Variants in CCDC40 observed in about 807,000 individuals in gnomAD.
The protein encoded by CCDC40 is coiled-coil domain-containing protein 40.
In CCDC40, 104 loss-of-function variants were observed where a neutral mutation model predicts 124.5. The observed-to-expected ratio is 0.84, with a 90% confidence interval of 0.71 to 0.98. The LOEUF is 0.98. Ranked by LOEUF, CCDC40 falls within the 50% of genes least tolerant of loss-of-function variation. The pLI is 0.00. For missense variants in CCDC40, 1,463 were observed against 1,503.9 expected, an observed-to-expected ratio of 0.97 and a Z score of 0.45; for synonymous variants, 580 against 602.9, an observed-to-expected ratio of 0.96 and a Z score of 0.56.
At chr17:80,081,048 C>G (rs1438515299) in intron 10 of CCDC40, among the ~76,000 whole-genome samples, 1 of 152,118 alleles carries the variant, frequency 6.6e-6, no homozygotes, top group South Asian at 2.1e-4. Flanking sequence ...ATGTGCCAAT[C>G]TATCCATAAA....
intron 17 of CCDC40, 68 bp from the exon 18 acceptor site, chr17:80,095,195 C>T: frequency 6.7e-7 from 1 of 1,497,016 alleles, no homozygotes; most frequent in African/African-American, 1.4e-5. Context: ...GGCCAGCGCC[C>T]CGGCCACTCT....
At position 80,084,909 on chromosome 17, in the gene CCDC40, G is replaced by A. The variant is rs572440259; in HGVS notation, c.2156G>A (p.Arg719His). The stretch of plus-strand genomic sequence containing the variant: ...AACAGCCAGAGCGAGATCTCCCGGC[G>A]CACGATCCTGATCGAGAGGAAGCAA... ...ITNSQSEISR[R>H]TILIERKQGL... The change falls in exon 13 of 20, where the codon CGC (arginine) becomes CAC (histidine). Residue 719 changes from arginine (R) to histidine (H), a missense_variant. Coordinates refer to ENST00000397545, the MANE Select transcript of CCDC40 (RefSeq NM_017950.4). The A allele has an allele frequency of 4.0e-5, 65 of 1,614,050 alleles. No individual in the cohort carries two copies. The Admixed American group carries it at 5.2e-4, about 13-fold the overall frequency.
At chr17:80,060,106 C>A (rs1365002586) in intron 9 of CCDC40, among the ~76,000 whole-genome samples, 1 of 152,124 alleles carries the variant, frequency 6.6e-6, no homozygotes, top group Non-Finnish European at 1.5e-5. Flanking sequence ...AGAGAAGATT[C>A]AAACGGGGCA....
rs199948075 is a variant in CCDC40, at chr17:80,058,497, C to T, written c.1163C>T (p.Ala388Val). 82 of 1,613,772 alleles carry T rather than the reference C, an allele frequency of 5.1e-5. No individual in the cohort carries two copies. The highest frequency in any genetic ancestry group is 8.8e-5 in the South Asian group (8 of 91,082). Residue 388 changes from alanine (A) to valine (V), a missense_variant, in exon 8 of 20, where the codon GCG becomes GTG. Transcript: ENST00000397545. This position sits in a 1 kb window ranked among gnomAD's most constrained non-coding sequence, Gnocchi z 4.2. Reference protein sequence around the residue: ...AAANEERKKLAALQTEMENLA... With the variant: ...AAANEERKKLVALQTEMENLA... ...TCTCCCCCGCCGCGCCCCGCAGTGG[C>T]GGCTCTGCAGACTGAGATGGAGAAC...
chr17:80,050,387 C>T, intron 7 of CCDC40, 104 bp downstream of exon 7: 1 of 898,248 alleles, frequency 1.1e-6, no homozygotes, highest in Non-Finnish European at 1.8e-6. Flanking sequence ...GATGTGTGTG[C>T]ATCCTGGAGG....
At chr17:80,075,989 T>C (rs775407075) in intron 10 of CCDC40, among the ~76,000 whole-genome samples, 19 of 152,198 alleles carry the variant, frequency 1.2e-4, no homozygotes, top group Admixed American at 2.6e-4. Flanking sequence ...GATCAAACTT[T>C]AATGGATGAG....
At chr17:80,072,183 C>G (rs1013495739) in intron 10 of CCDC40, among the ~76,000 whole-genome samples, 1 of 152,060 alleles carries the variant, frequency 6.6e-6, no homozygotes, top group African/African-American at 2.4e-5. Context: ...ATGGGTTTGC[C>G]GGGCTGCATC....
At chr17:80,099,486 T>C (rs1469321702) in intron 19 of CCDC40, 41 bp from the exon 20 acceptor site, 1 of 1,599,514 alleles carries the variant, frequency 6.3e-7, no homozygotes, top group African/African-American at 1.3e-5. Flanking sequence ...GTCTTTCTTC[T>C]GGTTTGCATA....
In CCDC40 at chr17:80,050,139, G is replaced by A; in HGVS notation, c.1015G>A (p.Val339Ile). 1 of 1,613,620 alleles carries A rather than the reference G, an allele frequency of 6.2e-7. No individual in the cohort carries two copies. ...TCTCTATGAGGTGCAGCAGCACCTG[G>A]TACACCTGCAGAAGCTGCTGGAGAA... is the stretch of plus-strand genomic sequence containing the variant. ...VNLYEVQQHL[V>I]HLQKLLEKSH... The change falls in exon 7 of 20, where the codon GTA (valine) becomes ATA (isoleucine). Residue 339 changes from valine (V) to isoleucine (I), a missense_variant. Coordinates refer to ENST00000397545, the MANE Select transcript of CCDC40 (RefSeq NM_017950.4).
rs974068067 is a variant in CCDC40, at chr17:80,047,101, C to G, written c.553-178C>G. Among the ~76,000 whole-genome samples the G allele has an allele frequency of 3.3e-5, 5 of 152,238 alleles. 1 individual carries two copies. The highest frequency in any genetic ancestry group is 2.0e-4 in the Admixed American group (3 of 15,280). ...CCTCAAGCGATCCACCCGCCTTGGC[C>G]TCCCAAAGTGCTGGGAGTTACAGGC... On this transcript the variant is annotated intron_variant, in intron 3 of 19. Transcript: ENST00000397545.
chr17:80,044,708 A>ATGTGT lies in CCDC40; in HGVS notation c.553-2571_553-2570insTGTGT, dbSNP rs1568671567. Among the ~76,000 whole-genome samples the ATGTGT allele has an allele frequency of 6.4e-4, 23 of 35,898 alleles. 1 individual carries two copies. Among genetic ancestry groups the ATGTGT allele is most frequent in the African/African-American group, 1.7e-3 (22 of 13,140 alleles). The allele number at this position is 35,898 out of a possible 152,430, so 23.6% of individuals were successfully genotyped here. On this transcript the variant is annotated intron_variant, in intron 3 of 19. Transcript: ENST00000397545. ...AAAAACAAAACAAAACAAACAAACAAAAAAAAAAATATATATATATATATA... is the reference window on the plus strand; with the variant it reads ...AAAAACAAAACAAAACAAACAAACAATGTGTAAAAAAAAATATATATATATATATA...
intron 19 of CCDC40, chr17:80,097,662 AAAAC>A (rs2038835120): frequency 1.9e-6 from 1 of 522,444 alleles, no homozygotes. Flanking sequence ...TAGAACACAA[AAAAC>A]AAACATTCCT....
chr17:80,073,428 A>G (rs1224655865), intron 10 of CCDC40, among the ~76,000 whole-genome samples: 2 of 152,092 alleles, frequency 1.3e-5, no homozygotes, highest in Non-Finnish European at 2.9e-5. Context: ...TTTCATTGTC[A>G]TCGTCCGTTA....
At chr17:80,067,428 TCTTC>T in intron 10 of CCDC40, 1 of 663,144 alleles carries the variant, frequency 1.5e-6, no homozygotes, top group East Asian at 2.7e-5. Context: ...TCACCCGGAG[TCTTC>T]CTTCCCTCTC....
chr17:80,093,514 TTC>T (rs1222725186), intron 17 of CCDC40, among the ~76,000 whole-genome samples: 40 of 150,246 alleles, frequency 2.7e-4, no homozygotes, highest in Admixed American at 2.6e-3. Flanking sequence ...GTTTTCTTAT[TTC>T]TCTTTTTTTT....
Position 80,055,981 on chromosome 17 carries a change from CATATATATATATAT to C in CCDC40, c.1160-2490_1160-2477del, listed in dbSNP as rs1164782051. Among the ~76,000 whole-genome samples the C allele has an allele frequency of 4.2e-4, 11 of 26,104 alleles. 1 individual carries two copies. Among genetic ancestry groups the C allele is most frequent in the African/African-American group, 9.6e-4 (7 of 7,294 alleles). The allele number at this position is 26,104 out of a possible 152,430, so 17.1% of individuals were successfully genotyped here. A position where few individuals can be genotyped will look rare whatever the true frequency, so the allele number is the denominator to read the frequency against. ...CACACCACCAGGCCTGGCTAATTTT[CATATATATATATAT>C]ATATATATATATATATATATATTTT... On this transcript the variant is annotated intron_variant, in intron 7 of 19. Coordinates refer to ENST00000397545, the MANE Select transcript of CCDC40 (RefSeq NM_017950.4).
intron 9 of CCDC40, 57 bp downstream of exon 9, chr17:80,059,037 A>G (rs1249904725): frequency 1.9e-6 from 3 of 1,605,062 alleles, no homozygotes; most frequent in African/African-American, 2.7e-5. Context: ...GTCCACGCAC[A>G]GGGTGCTGGT....
chr17:80,088,890 C>T (rs554470075), intron 16 of CCDC40, among the ~76,000 whole-genome samples: 2 of 152,314 alleles, frequency 1.3e-5, no homozygotes, highest in South Asian at 4.1e-4. Flanking sequence ...TGTCTACCCC[C>T]CTTGGTGGCA....
At position 80,087,409 on chromosome 17, in the gene CCDC40, G is replaced by A; in HGVS notation, c.2450-198G>A. 1 of 573,604 alleles carries A rather than the reference G, an allele frequency of 1.7e-6. No homozygotes were observed. The highest frequency in any genetic ancestry group is 3.1e-6 in the Non-Finnish European group (1 of 324,214). The allele number at this position is 573,604 out of a possible 1,614,324, so 35.5% of individuals were successfully genotyped here. A position where few individuals can be genotyped will look rare whatever the true frequency, so the allele number is the denominator to read the frequency against. On this transcript the variant is annotated intron_variant, in intron 14 of 19. Transcript: ENST00000397545. This position sits in a 1 kb window ranked among gnomAD's most constrained non-coding sequence, Gnocchi z 4.5. ...GCTTTGGGAGCTTAGCAGCCAAAAAGAGACCCCCTGTCCTCTCCTCTCCTC... is the reference window on the plus strand; with the variant it reads ...GCTTTGGGAGCTTAGCAGCCAAAAAAAGACCCCCTGTCCTCTCCTCTCCTC...
Sources: allele counts gnomAD v4.1 joint callset (sites outside exome capture counted in the v4.1 genomes callset), GRCh38; gene constraint gnomAD v4.1.1; non-coding constraint Gnocchi (gnomAD v3.1); transcripts MANE v1.5; gene names NCBI Gene and HGNC (gene_info 2026-07-23, HGNC 2026-07-21).